ZNF142: variants seen among roughly 807,000 people sequenced by gnomAD.
The protein encoded by ZNF142 is zinc finger protein 142, also known as zinc finger protein 142 (clone pHZ-49).
In ZNF142, 96 loss-of-function variants were observed where a neutral mutation model predicts 132.1. The ratio of observed to expected loss-of-function variants is 0.73; its 90% CI spans 0.62 to 0.86. The LOEUF is 0.86. ZNF142 is among the 40% of genes least tolerant of loss of function. The pLI is 0.00. For missense variants in ZNF142, 2,163 were observed against 2,336.2 expected, an observed-to-expected ratio of 0.93 and a Z score of 1.53; for synonymous variants, 842 against 890.1, an observed-to-expected ratio of 0.95 and a Z score of 0.96.
intron 4 of ZNF142, among the ~76,000 whole-genome samples, chr2:218,652,832 G>A (rs1938135193): frequency 6.6e-6 from 1 of 152,058 alleles, no homozygotes; most frequent in South Asian, 2.1e-4. Context: ...CTCTCATTTG[G>A]TCCTCCAACA....
Position 218,637,067 on chromosome 2 carries a change from G to T in ZNF142, c.*1272C>A. The T allele has an allele frequency of 2.6e-6, 1 of 382,682 alleles. No homozygotes were observed. Among genetic ancestry groups the T allele is most frequent in the Non-Finnish European group, 5.1e-6 (1 of 195,938 alleles). The allele number at this position is 382,682 out of a possible 1,614,324, so 23.7% of individuals were successfully genotyped here. On this transcript the variant is annotated 3_prime_UTR_variant, in exon 11 of 11. Coordinates refer to ENST00000411696, the MANE Select transcript of ZNF142 (RefSeq NM_001379659.1). ...CAGCAAAGATTAGGGAAAGAGACTTGACCCCAGGACTGTACTACGACTCTT... is the reference window on the plus strand; with the variant it reads ...CAGCAAAGATTAGGGAAAGAGACTTTACCCCAGGACTGTACTACGACTCTT...
At position 218,646,267 on chromosome 2, in the gene ZNF142, G is replaced by C. The variant is rs1026089215; in HGVS notation, c.1955C>G (p.Ser652Cys). Residue 652 changes from serine (S) to cysteine (C), a missense_variant, in exon 8 of 11, where the codon TCC becomes TGC. Ser to Cys is a moderately radical substitution (Grantham distance 112, BLOSUM62 -1). This residue lies in a region of ZNF142 where 749 missense variants were observed against 830.3 expected (regional missense o/e 0.90). Transcript: ENST00000411696. Reference protein sequence around the residue: ...SYLSKHMLTHSNTKDYMCTEC... With the variant: ...SYLSKHMLTHCNTKDYMCTEC... ...AGTGCACATGTAATCCTTGGTGTTGGAGTGGGTCAGCATGTGCTTGGATAG... is the reference window on the plus strand; with the variant it reads ...AGTGCACATGTAATCCTTGGTGTTGCAGTGGGTCAGCATGTGCTTGGATAG... 3.7e-6 allele frequency: 6 copies of C among 1,614,098 alleles called. No individual in the cohort carries two copies. The African/African-American group carries it at 8.0e-5, about 22-fold the overall frequency.
rs902444123 is a variant in ZNF142 at position 218,643,597 on chromosome 2, T to C, written c.3519A>G (p.Thr1173=). The C allele has an allele frequency of 2.5e-6, 4 of 1,569,616 alleles. No individual in the cohort carries two copies. Among genetic ancestry groups the C allele is most frequent in the Non-Finnish European group, 3.5e-6 (4 of 1,158,742 alleles). The change falls in exon 9 of 11, where the codon ACA becomes ACG. Residue 1173 remains threonine, a synonymous_variant. Coordinates refer to ENST00000411696, the MANE Select transcript of ZNF142 (RefSeq NM_001379659.1). ...PVPPAGNSLP[T]EAPKKHCFDP... is the part of the protein sequence containing the mutation. ...CAAAGCAGTGCTTCTTAGGGGCCTC[T>C]GTGGGCAAGGAGTTTCCTGCAGGAG...
intron 2 of ZNF142, 36 bp from the exon 3 acceptor site, chr2:218,658,912 A>G (rs1575097570): frequency 6.6e-6 from 1 of 152,284 alleles, no homozygotes; most frequent in South Asian, 2.1e-4. Flanking sequence ...GGCAGAGAGA[A>G]GGCCTGGAGA....
At chr2:218,657,631 T>C (rs1210284815) in intron 3 of ZNF142, among the ~76,000 whole-genome samples, 1 of 152,066 alleles carries the variant, frequency 6.6e-6, no homozygotes, top group Non-Finnish European at 1.5e-5. Flanking sequence ...GGTTTCTCCA[T>C]GTTGGTTGGG....
chr2:218,644,339 A>G lies in ZNF142; in HGVS notation c.2777T>C (p.Leu926Pro). Residue 926 changes from leucine (L) to proline (P), a missense_variant, in exon 9 of 11, where the codon CTG becomes CCG. Physicochemically the swap from Leu to Pro is moderately conservative, Grantham distance 98 (BLOSUM62 -3). Coordinates refer to ENST00000411696, the MANE Select transcript of ZNF142 (RefSeq NM_001379659.1). This position sits in a 1 kb window ranked among gnomAD's most constrained non-coding sequence, Gnocchi z 4.6. ...TETAPMEFRP[L>P]GLEGPDGLEG... ...CAGTCCATCTGGCCCTTCCAGTCCC[A>G]GGGGCCTGAACTCCATAGGGGCTGT... 6.2e-7 allele frequency: 1 copy of G among 1,614,114 alleles called. No individual in the cohort carries two copies. The highest frequency in any genetic ancestry group is 1.1e-5 in the South Asian group (1 of 91,084).
At position 218,634,178 on chromosome 2, in the gene ZNF142, CA is replaced by C; in HGVS notation, c.*4160del. The C allele has an allele frequency of 6.2e-7, 1 of 1,612,126 alleles. No individual in the cohort carries two copies. Among genetic ancestry groups the C allele is most frequent in the Non-Finnish European group, 8.5e-7 (1 of 1,179,124 alleles). On this transcript the variant is annotated 3_prime_UTR_variant, in exon 11 of 11. Transcript: ENST00000411696. The surrounding 1 kb of genome is among the most constrained non-coding windows in gnomAD (Gnocchi z 4.0). ...CCAGCGGCCTGAGGACAGACTCTTC[CA>C]ACTACAACCCCCAGGAACTCTGGAA... is the stretch of plus-strand genomic sequence containing the variant.
chr2:218,649,782 A>G (rs991987360), intron 6 of ZNF142, among the ~76,000 whole-genome samples: 1 of 152,158 alleles, frequency 6.6e-6, no homozygotes, highest in Non-Finnish European at 1.5e-5. Context: ...GCCTTGTTCT[A>G]TGGGGGCAGG....
chr2:218,656,540 C>T lies in ZNF142; in HGVS notation c.-34-77G>A, dbSNP rs939014650. 16 of 1,073,454 alleles carry T rather than the reference C, an allele frequency of 1.5e-5. No homozygotes were observed. The African/African-American group carries it at 2.4e-4, about 16-fold the overall frequency. The allele number at this position is 1,073,454 out of a possible 1,614,324, so 66.5% of individuals were successfully genotyped here. A position where few individuals can be genotyped will look rare whatever the true frequency, so the allele number is the denominator to read the frequency against. ...TTCCTGGCTGGCGTGGGTACACAGC[C>T]CAGTGCCCACCCACTTAGGCATTTT... On this transcript the variant is annotated intron_variant, in intron 3 of 10. Transcript: ENST00000411696.
intron 7 of ZNF142, among the ~76,000 whole-genome samples, chr2:218,647,181 T>C (rs1575071512): frequency 6.6e-6 from 1 of 151,892 alleles, no homozygotes; most frequent in Non-Finnish European, 1.5e-5. Flanking sequence ...CCCAGCATTT[T>C]GGGAGGTCGA....
At chr2:218,646,866 C>T (rs60286807) in intron 7 of ZNF142, among the ~76,000 whole-genome samples, 2,901 of 152,152 alleles carry the variant, frequency 0.019, 100 homozygotes, top group African/African-American at 0.066. Context: ...GGATTACAGG[C>T]GTGAGCCACC....
chr2:218,633,822 A>C lies in ZNF142; in HGVS notation c.*4517T>G, dbSNP rs937935035. 1.9e-6 allele frequency: 3 copies of C among 1,576,446 alleles called. No homozygotes were observed. The highest frequency in any genetic ancestry group is 2.6e-6 in the Non-Finnish European group (3 of 1,152,442). ...GGATGGATAGGTTCAGGCCTGATGG[A>C]CTGGCAGGTAAGTCCCAAGAAAAAA... On this transcript the variant is annotated 3_prime_UTR_variant, in exon 11 of 11. Transcript: ENST00000411696.
chr2:218,642,564 CA>C lies in ZNF142; in HGVS notation c.4551del (p.Gly1518AlafsTer79). 6.2e-7 allele frequency: 1 copy of C among 1,613,182 alleles called. No homozygotes were observed. Among genetic ancestry groups the C allele is most frequent in the Non-Finnish European group, 8.5e-7 (1 of 1,179,636 alleles). On this transcript the variant is annotated frameshift_variant, in exon 9 of 11. Transcript: ENST00000411696. LOFTEE classifies it high-confidence loss of function. The surrounding 1 kb of genome is among the most constrained non-coding windows in gnomAD (Gnocchi z 4.6). ...CCCTCAGTGGTCTCTGCAGGAGAGC[CA>C]GGGGCAGGCTGTGCAGGCTCGGGGT... ...RRHPEPAQPA[P>X]GSPAETTEGP...
rs535890516 is a variant in ZNF142, at chr2:218,650,691, G to C, written c.881-165C>G. On this transcript the variant is annotated intron_variant, in intron 5 of 10. Transcript: ENST00000411696. ...ATTTCCACTCAAGATGAAAATAGGAGGACGAAGAGCTAAGTTATTAGCAAT... is the reference window on the plus strand; with the variant it reads ...ATTTCCACTCAAGATGAAAATAGGACGACGAAGAGCTAAGTTATTAGCAAT... Among the ~76,000 whole-genome samples the C allele has an allele frequency of 3.9e-5, 6 of 152,324 alleles. No individual in the cohort carries two copies. In the East Asian group the frequency reaches 1.2e-3, roughly 29 times the overall value.
chr2:218,643,543 T>A lies in ZNF142; in HGVS notation c.3573A>T (p.Ser1191=). ...FDPVPPAGNS[S]PTEAPKKHHL... The stretch of plus-strand genomic sequence containing the variant: ...GGTGCTTCTTAGGGGCCTCCGTGGG[T>A]GAGGAGTTTCCTGCAGGAGGGACTG... The change falls in exon 9 of 11, where the codon TCA becomes TCT. Residue 1191 remains serine, a synonymous_variant. Transcript: ENST00000411696. 1 of 1,608,162 alleles carries A rather than the reference T, an allele frequency of 6.2e-7. No individual in the cohort carries two copies. Among genetic ancestry groups the A allele is most frequent in the Non-Finnish European group, 8.5e-7 (1 of 1,176,590 alleles).
chr2:218,648,300 A>G (rs1937625328), intron 7 of ZNF142, among the ~76,000 whole-genome samples: 1 of 152,192 alleles, frequency 6.6e-6, no homozygotes, highest in African/African-American at 2.4e-5. Context: ...TTGCAAAGTA[A>G]GGTATTTGTC....
intron 3 of ZNF142, among the ~76,000 whole-genome samples, chr2:218,657,793 A>G (rs952525587): frequency 6.6e-6 from 1 of 152,204 alleles, no homozygotes; most frequent in Non-Finnish European, 1.5e-5. Context: ...ACACAGCCCT[A>G]TCAGAAACGA....
At chr2:218,647,641 G>A (rs938860171) in intron 7 of ZNF142, among the ~76,000 whole-genome samples, 2 of 152,030 alleles carry the variant, frequency 1.3e-5, no homozygotes, top group Non-Finnish European at 2.9e-5. Context: ...ATGTCCCAAA[G>A]CTGTCAGTGA....
chr2:218,638,211 G>T lies in ZNF142; in HGVS notation c.*128C>A. On this transcript the variant is annotated 3_prime_UTR_variant, in exon 11 of 11. Coordinates refer to ENST00000411696, the MANE Select transcript of ZNF142 (RefSeq NM_001379659.1). ...AGTACTATAGCCAGAGTCCCAGGAAGGTTCTAGTCACCCTTGTACCCCAAA... is the reference window on the plus strand; with the variant it reads ...AGTACTATAGCCAGAGTCCCAGGAATGTTCTAGTCACCCTTGTACCCCAAA... The T allele has an allele frequency of 1.2e-6, 1 of 812,508 alleles. No homozygotes were observed. Among genetic ancestry groups the T allele is most frequent in the Non-Finnish European group, 1.7e-6 (1 of 575,928 alleles). The allele number at this position is 812,508 out of a possible 1,614,324, so 50.3% of individuals were successfully genotyped here. A position where few individuals can be genotyped will look rare whatever the true frequency, so the allele number is the denominator to read the frequency against.
Sources: allele counts gnomAD v4.1 joint callset (sites outside exome capture counted in the v4.1 genomes callset), GRCh38; gene constraint gnomAD v4.1.1; regional missense constraint gnomAD v4.1.1; non-coding constraint Gnocchi (gnomAD v3.1); transcripts MANE v1.5; gene names NCBI Gene and HGNC (gene_info 2026-07-23, HGNC 2026-07-21).